SLC12A6: variants seen among roughly 807,000 people sequenced by gnomAD.
SLC12A6 encodes the protein K-Cl cotransporter 3.
A neutral mutation model predicts 135.3 loss-of-function variants in SLC12A6; 66 were observed. The ratio of observed to expected loss-of-function variants is 0.49; its 90% confidence interval spans 0.40 to 0.60. The LOEUF is 0.60. SLC12A6 is among the 20% of genes least tolerant of loss of function. The pLI is 0.00. For missense variants in SLC12A6, 1,058 were observed against 1,452.3 expected (o/e 0.73, Z 4.41); for synonymous variants, 513 against 508.8 (o/e 1.01, Z -0.11).
chr15:34,253,716 C>G (rs998832454), intron 9 of SLC12A6, among the ~76,000 whole-genome samples: 5 of 152,198 alleles, frequency 3.3e-5, no homozygotes, highest in African/African-American at 4.8e-5. Flanking sequence ...AATTCTGTAA[C>G]AAGACTACAA....
intron 2 of SLC12A6, among the ~76,000 whole-genome samples, chr15:34,325,508 AT>A (rs1889399725): frequency 1.3e-5 from 2 of 152,188 alleles, no homozygotes; most frequent in African/African-American, 4.8e-5. Flanking sequence ...TATATAATGA[AT>A]TTGGAGGCTA....
intron 3 of SLC12A6, among the ~76,000 whole-genome samples, chr15:34,271,647 C>T (rs1204904525): frequency 7.2e-6 from 1 of 138,150 alleles, no homozygotes; most frequent in Non-Finnish European, 1.6e-5. Flanking sequence ...TCATAAATCA[C>T]AGGTGTACAG....
At chr15:34,284,182 T>C (rs1376276985) in intron 2 of SLC12A6, among the ~76,000 whole-genome samples, 2 of 151,906 alleles carry the variant, frequency 1.3e-5, no homozygotes, top group Admixed American at 6.6e-5. Context: ...GTAGTGAAGC[T>C]GATGGAGGGA....
chr15:34,244,825 T>A (rs1028107409), intron 15 of SLC12A6, among the ~76,000 whole-genome samples: 9 of 152,232 alleles, frequency 5.9e-5, no homozygotes, highest in Non-Finnish European at 1.5e-5. Context: ...CTTGCTCTGG[T>A]GTTCCTAGGG....
Position 34,336,439 on chromosome 15 carries a change from C to T in SLC12A6, c.242G>A (p.Arg81Gln), listed in dbSNP as rs767981081. The change falls in exon 2 of 26, where the codon CGG becomes CAG. Residue 81 changes from arginine (R) to glutamine (Q), a missense_variant. By Grantham distance (43) the Arg-to-Gln change is conservative. Transcript: ENST00000354181. The part of the protein sequence containing the change: ...ATVALDPPSD[R>Q]TSHPQDVIED... ...GATGACATCCTGGGGGTGAGAAGTC[C>T]GGTCACTGGGTGGATCCAGTGCAAC... is the stretch of plus-strand genomic sequence containing the variant. 2 of 1,613,820 alleles carry T rather than the reference C, an allele frequency of 1.2e-6. No individual in the cohort carries two copies. Among genetic ancestry groups the T allele is most frequent in the Non-Finnish European group, 1.7e-6 (2 of 1,179,754 alleles).
At position 34,243,970 on chromosome 15, in the gene SLC12A6, T is replaced by C. The variant is rs1891819479; in HGVS notation, c.2042+4A>G. ...AGTAAAAAGAATAAAAGAAGCAGAC[T>C]TACCAATGGTAGTAGCGGAATCGGG... On this transcript the variant is annotated splice_donor_region_variant and intron_variant, in intron 16 of 25. Coordinates refer to ENST00000354181, the MANE Select transcript of SLC12A6 (RefSeq NM_001365088.1). 6.6e-7 allele frequency: 1 copy of C among 1,516,464 alleles called. No individual in the cohort carries two copies. Among genetic ancestry groups the C allele is most frequent in the Non-Finnish European group, 9.2e-7 (1 of 1,091,000 alleles). 93.9% of individuals were successfully genotyped at this position (1,516,464 alleles called of 1,614,324 possible).
At chr15:34,278,724 C>T (rs1337897671) in intron 2 of SLC12A6, among the ~76,000 whole-genome samples, 1 of 151,838 alleles carries the variant, frequency 6.6e-6, no homozygotes, top group Non-Finnish European at 1.5e-5. Context: ...GTGCCCACCA[C>T]CACGCCCAGC....
At position 34,326,858 on chromosome 15, in the gene SLC12A6, C is replaced by CTTTTT. The variant is rs397963192; in HGVS notation, c.271+9547_271+9551dup. Among the ~76,000 whole-genome samples, 18 of 72,174 alleles carry CTTTTT rather than the reference C, an allele frequency of 2.5e-4. 1 individual carries two copies. The highest frequency in any genetic ancestry group is 1.1e-3 in the African/African-American group (13 of 11,860). 47.3% of individuals were successfully genotyped at this position (72,174 alleles called of 152,430 possible). ...AGGTGCACACCACCACAACTGGCTG[C>CTTTTT]TTTTTTTTTTTTTTTTTTTTTTTTT... is the stretch of plus-strand genomic sequence containing the variant. On this transcript the variant is annotated intron_variant, in intron 2 of 25. Transcript: ENST00000354181.
At chr15:34,242,560 C>T (rs191397975) in intron 16 of SLC12A6, among the ~76,000 whole-genome samples, 55 of 152,248 alleles carry the variant, frequency 3.6e-4, no homozygotes, top group African/African-American at 8.9e-4. Context: ...ATATAAATAA[C>T]GGAACACTAT....
intron 12 of SLC12A6, 96 bp from the exon 13 acceptor site, chr15:34,250,451 G>C: frequency 2.2e-6 from 2 of 894,628 alleles, no homozygotes; most frequent in Non-Finnish European, 3.8e-6. Flanking sequence ...AGTAAAATGA[G>C]CTGCTAAATA....
At chr15:34,269,920 T>C (rs1208278953) in intron 3 of SLC12A6, among the ~76,000 whole-genome samples, 1 of 152,212 alleles carries the variant, frequency 6.6e-6, no homozygotes, top group Non-Finnish European at 1.5e-5. Flanking sequence ...TCCATTAATT[T>C]ATGAGAGGTC....
chr15:34,259,250 G>A (rs111670940), intron 4 of SLC12A6, among the ~76,000 whole-genome samples: 1,813 of 151,952 alleles, frequency 0.012, 15 homozygotes, highest in Middle Eastern at 0.037. Flanking sequence ...TGAGGCGGGA[G>A]AATCAGCTTG....
intron 3 of SLC12A6, among the ~76,000 whole-genome samples, chr15:34,267,375 C>A (rs74010044): frequency 0.019 from 2,886 of 152,238 alleles, 100 homozygotes; most frequent in African/African-American, 0.066. Context: ...CTTCTAGGAT[C>A]ATTTTATTCT....
intron 13 of SLC12A6, 116 bp downstream of exon 13, chr15:34,250,182 G>A (rs1892287803): frequency 1.3e-6 from 1 of 782,346 alleles, no homozygotes; most frequent in African/African-American, 1.7e-5. Context: ...CGGGATTACA[G>A]GCATGAGCCA....
At chr15:34,255,130 A>C in intron 8 of SLC12A6, 132 bp downstream of exon 8, 2 of 795,190 alleles carry the variant, frequency 2.5e-6, no homozygotes, top group Non-Finnish European at 2.2e-6. Context: ...TTCATGTAAG[A>C]GGCCAACTGA....
chr15:34,260,978 G>C lies in SLC12A6; in HGVS notation c.359C>G (p.Ser120Cys). The C allele has an allele frequency of 1.3e-6, 2 of 1,578,402 alleles. No homozygotes were observed. The highest frequency in any genetic ancestry group is 1.7e-6 in the Non-Finnish European group (2 of 1,147,846). Residue 120 changes from serine (S) to cysteine (C), a missense_variant, in exon 4 of 26, where the codon TCC becomes TGC. Around this residue, in one of 6 missense-constraint regions of SLC12A6, gnomAD observed 176 missense variants for 168.9 expected, o/e 1.04. Coordinates refer to ENST00000354181, the MANE Select transcript of SLC12A6 (RefSeq NM_001365088.1). The stretch of plus-strand genomic sequence containing the variant: ...ATATTCATCTCCTTCTTCATAATTG[G>C]AATTATTGAGATAAGCATTTCGAGC... ...KKARNAYLNN[S>C]NYEEGDEYFD... is the part of the protein sequence containing the mutation.
At chr15:34,245,436 G>A in intron 14 of SLC12A6, 33 bp from the exon 15 acceptor site, 2 of 1,213,456 alleles carry the variant, frequency 1.6e-6, no homozygotes, top group Non-Finnish European at 2.5e-6. Flanking sequence ...AGGCACAGGA[G>A]TACTGAGTCA....
chr15:34,312,382 G>C (rs537424285), intron 2 of SLC12A6, among the ~76,000 whole-genome samples: 146 of 152,294 alleles, frequency 9.6e-4, no homozygotes, highest in African/African-American at 3.3e-3. Flanking sequence ...CTTACTCACT[G>C]AGTTGCTTAT....
At chr15:34,265,507 G>C (rs1207076553) in intron 3 of SLC12A6, among the ~76,000 whole-genome samples, 2 of 152,132 alleles carry the variant, frequency 1.3e-5, no homozygotes, top group Non-Finnish European at 2.9e-5. Flanking sequence ...GGTACTGGGA[G>C]AGACTGTGAC....
Sources: gnomAD v4.1 joint callset for allele counts (sites outside exome capture counted in the v4.1 genomes callset) on GRCh38, gnomAD v4.1.1 for gene constraint, gnomAD v4.1.1 regional missense constraint, MANE v1.5 for transcripts, NCBI Gene and HGNC (gene_info 2026-07-23, HGNC 2026-07-21) for gene names.